Variants in APOB observed in about 807,000 individuals in gnomAD.
APOB encodes the protein apolipoprotein B.
In APOB, 153 loss-of-function variants were observed where a neutral mutation model predicts 314.1. That is an observed-to-expected ratio of 0.49 (90% confidence interval 0.43 to 0.56). APOB has a LOEUF of 0.56. APOB is among the 20% of genes least tolerant of loss of function. APOB has a pLI of 0.00. For missense variants in APOB, 5,430 were observed against 5,350.7 expected, an observed-to-expected ratio of 1.01 and a Z score of -0.46; for synonymous variants, 2,087 against 2,036.4, an observed-to-expected ratio of 1.02 and a Z score of -0.67.
In APOB at chr2:21,037,128, A is replaced by G. The variant is rs779042504; in HGVS notation, c.665T>C (p.Ile222Thr). 6.2e-7 allele frequency: 1 copy of G among 1,614,226 alleles called. No homozygotes were observed. The highest frequency in any genetic ancestry group is 2.2e-5 in the East Asian group (1 of 44,880). Residue 222 changes from isoleucine to threonine, a missense_variant, in exon 6 of 29, where the codon ATC becomes ACC. Transcript: ENST00000233242. ...CDRFKPIRTGISPLALIKGMT... is the reference protein window; with the variant it reads ...CDRFKPIRTGTSPLALIKGMT... ...GCCTTTGATGAGAGCAAGTGGGCTG[A>G]TGCCTGTGCGGATGGGCTTGAAGCG...
chr2:21,029,547 C>T, intron 12 of APOB, 92 bp downstream of exon 12: 3 of 1,389,406 alleles, frequency 2.2e-6, no homozygotes, highest in Non-Finnish European at 3.1e-6. Flanking sequence ...AGAATAAAGT[C>T]AGTAGATGAA....
chr2:21,011,832 C>T lies in APOB; in HGVS notation c.5036G>A (p.Gly1679Glu). The change falls in exon 26 of 29, where the codon GGG (glycine) becomes GAG (glutamate). Residue 1679 changes from glycine (G) to glutamate (E), a missense_variant. By Grantham distance (98) the Gly-to-Glu change is moderately conservative. Transcript: ENST00000233242. ...ATTTGTTGTTAATTTCATAGATGCC[C>T]CAGAGAGGCCAAGCTCTGCATTCAG... ...NELNAELGLS[G>E]ASMKLTTNGR... 2 of 1,614,072 alleles carry T rather than the reference C, an allele frequency of 1.2e-6. No homozygotes were observed. The highest frequency in any genetic ancestry group is 1.1e-5 in the South Asian group (1 of 91,080).
At chr2:21,022,656 A>G (rs1402663544) in intron 18 of APOB, among the ~76,000 whole-genome samples, 175 bp downstream of exon 18, 1 of 152,236 alleles carries the variant, frequency 6.6e-6, no homozygotes, top group Non-Finnish European at 1.5e-5. Flanking sequence ...GTAGTTATGT[A>G]GTAAGTCTAG....
At position 21,005,576 on chromosome 2, in the gene APOB, G is replaced by A; in HGVS notation, c.11292C>T (p.Asp3764=). 6.2e-7 allele frequency: 1 copy of A among 1,614,086 alleles called. No homozygotes were observed. Among genetic ancestry groups the A allele is most frequent in the South Asian group, 1.1e-5 (1 of 91,080 alleles). Residue 3764 remains aspartate, a synonymous_variant, in exon 26 of 29, where the codon GAC becomes GAT. Transcript: ENST00000233242. The stretch of plus-strand genomic sequence containing the variant: ...TCTTATAGATTTGTATTTCTCTGAA[G>A]TCAAGTTTGCACGATGGAACCTGAA... ...TDLQVPSCKL[D]FREIQIYKKL...
At chr2:21,026,005 T>A (rs1663723508) in intron 15 of APOB, among the ~76,000 whole-genome samples, 1 of 152,188 alleles carries the variant, frequency 6.6e-6, no homozygotes, top group South Asian at 2.1e-4. Context: ...TTAATAATAA[T>A]GAAAATATTA....
intron 21 of APOB, 95 bp downstream of exon 21, chr2:21,016,344 G>A (rs1663462981): frequency 2.7e-6 from 2 of 742,922 alleles, no homozygotes; most frequent in South Asian, 1.5e-5. Context: ...GACTAGGGGA[G>A]AACATGGCTT....
chr2:21,008,538 A>G lies in APOB; in HGVS notation c.8330T>C (p.Ile2777Thr). The change falls in exon 26 of 29, where the codon ATA (isoleucine) becomes ACA (threonine). Residue 2777 changes from isoleucine to threonine, a missense_variant. Transcript: ENST00000233242. Reference protein sequence around the residue: ...PLFTLDANADIGNGTTSANEA... With the variant: ...PLFTLDANADTGNGTTSANEA... ...GTTTGCTGAGGTGGTTCCATTCCCTATGTCAGCATTTGCATCTAATGTGAA... is the reference window on the plus strand; with the variant it reads ...GTTTGCTGAGGTGGTTCCATTCCCTGTGTCAGCATTTGCATCTAATGTGAA... 6.2e-7 allele frequency: 1 copy of G among 1,614,076 alleles called. No homozygotes were observed.
chr2:21,023,596 G>T lies in APOB; in HGVS notation c.2533C>A (p.Gln845Lys), dbSNP rs1377385970. The stretch of plus-strand genomic sequence containing the variant: ...ACTCCAGATGAAGATATTTGCAACT[G>T]TAATCCAGCTCCAGTGGGGAGTTCA... ...AFELPTGAGL[Q>K]LQISSSGVIA... is the part of the protein sequence containing the mutation. Residue 845 changes from glutamine to lysine, a missense_variant, in exon 17 of 29, where the codon CAG becomes AAG. Transcript: ENST00000233242. 5 of 1,614,208 alleles carry T rather than the reference G, an allele frequency of 3.1e-6. No homozygotes were observed. Among genetic ancestry groups the T allele is most frequent in the Non-Finnish European group, 4.2e-6 (5 of 1,180,044 alleles).
chr2:21,020,574 A>G (rs889987409), intron 18 of APOB, among the ~76,000 whole-genome samples: 3 of 152,182 alleles, frequency 2.0e-5, no homozygotes, highest in African/African-American at 7.2e-5. Context: ...AGAGTTGCGC[A>G]CTCATGACCA....
At chr2:21,027,306 A>AT (rs71391771) in intron 14 of APOB, among the ~76,000 whole-genome samples, 3,166 of 105,748 alleles carry the variant, frequency 0.03, 179 homozygotes, top group African/African-American at 0.091. Context: ...TTGCATTTCA[A>AT]TTTTTTTTTT....
Position 21,034,834 on chromosome 2 carries a change from T to C in APOB, c.886A>G (p.Ser296Gly). 6.3e-7 allele frequency: 1 copy of C among 1,596,578 alleles called. No individual in the cohort carries two copies. Among genetic ancestry groups the C allele is most frequent in the Non-Finnish European group, 8.6e-7 (1 of 1,163,954 alleles). The change falls in exon 8 of 29, where the codon AGC becomes GGC. Residue 296 changes from serine (S) to glycine (G), a missense_variant. Physicochemically the swap from Ser to Gly is moderately conservative, Grantham distance 56. Coordinates refer to ENST00000233242, the MANE Select transcript of APOB (RefSeq NM_000384.3). Reference protein sequence around the residue: ...LKLEDTPKINSRFFGEGTKKM... With the variant: ...LKLEDTPKINGRFFGEGTKKM... Reference sequence around the variant, plus strand: ...CTCTTACCTTCACCAAAGAAGCGGCTGTTGATCTTTGGTGTGTCTTCAAGT... The same window carrying C: ...CTCTTACCTTCACCAAAGAAGCGGCCGTTGATCTTTGGTGTGTCTTCAAGT...
Position 21,010,607 on chromosome 2 carries a change from G to T in APOB, c.6261C>A (p.Thr2087=), listed in dbSNP as rs61744855. 7.1e-4 allele frequency: 1,144 copies of T among 1,614,042 alleles called. 6 individuals are homozygous for T. In the African/African-American group the frequency reaches 0.014, roughly 20 times the overall value. ...GTACGTTTTCCAGTACAACTATAAT[G>T]GTTTGTCGATTCCTCTCAAAATATT... The part of the protein sequence containing the change: ...LQEYFERNRQ[T]IIVVLENVQR... The change falls in exon 26 of 29, where the codon ACC becomes ACA. Residue 2087 remains threonine (T), a synonymous_variant. Transcript: ENST00000233242.
intron 8 of APOB, among the ~76,000 whole-genome samples, chr2:21,033,785 T>C (rs1442109525): frequency 2.6e-5 from 4 of 152,126 alleles, no homozygotes; most frequent in East Asian, 1.9e-4. Context: ...TTTTGGGCCA[T>C]GTAAATTGCT....
At position 21,019,038 on chromosome 2, in the gene APOB, C is replaced by T. The variant is rs1486282319; in HGVS notation, c.3075G>A (p.Glu1025=). The T allele has an allele frequency of 6.2e-7, 1 of 1,613,922 alleles. No individual in the cohort carries two copies. Among genetic ancestry groups the T allele is most frequent in the East Asian group, 2.2e-5 (1 of 44,866 alleles). The part of the protein sequence containing the change: ...SVSATYELQR[E]DRALVDTLKF... ...TCAGGGTATCCACCAAGGCTCTGTC[C>T]TCTCTCTGGAGCTCATAGGTTGCGC... The change falls in exon 20 of 29, where the codon GAG becomes GAA. Residue 1025 remains glutamate (E), a synonymous_variant. Coordinates refer to ENST00000233242, the MANE Select transcript of APOB (RefSeq NM_000384.3).
chr2:21,025,146 G>A (rs1345176350), intron 15 of APOB, 22 bp from the exon 16 acceptor site: 30 of 1,609,540 alleles, frequency 1.9e-5, no homozygotes, highest in Non-Finnish European at 2.5e-5. Context: ...GTAATAAAAT[G>A]GCCAGTGAGA....
In APOB at chr2:21,029,492, G is replaced by A. The variant is rs555916426; in HGVS notation, c.1617+147C>T. The A allele has an allele frequency of 4.6e-6, 4 of 861,826 alleles. No individual in the cohort carries two copies. The African/African-American group carries it at 7.0e-5, about 15-fold the overall frequency. The allele number at this position is 861,826 out of a possible 1,614,324, so 53.4% of individuals were successfully genotyped here. ...GGAAGGAAAGAAGAAAGGGAGGGAG[G>A]GAGGAAGGAAGGAAGGAAGGAAGGA... On this transcript the variant is annotated intron_variant, in intron 12 of 28. Transcript: ENST00000233242.
At chr2:21,021,402 T>C (rs1345615160) in intron 18 of APOB, among the ~76,000 whole-genome samples, 1 of 152,196 alleles carries the variant, frequency 6.6e-6, no homozygotes, top group Admixed American at 6.5e-5. Context: ...TCCAATGGTC[T>C]CTTCGTGTCC....
intron 10 of APOB, 144 bp from the exon 11 acceptor site, chr2:21,030,159 A>T: frequency 1.5e-6 from 1 of 661,246 alleles, no homozygotes; most frequent in Non-Finnish European, 2.7e-6. Flanking sequence ...TTTTAAGCAA[A>T]AAGAACATAG....
In APOB at chr2:21,012,784, T is replaced by G. The variant is rs1364227619; in HGVS notation, c.4217-133A>C. 3.1e-6 allele frequency: 3 copies of G among 977,798 alleles called. No individual in the cohort carries two copies. In the South Asian group the frequency reaches 4.8e-5, roughly 16 times the overall value. 60.6% of individuals were successfully genotyped at this position (977,798 alleles called of 1,614,324 possible). A position where few individuals can be genotyped will look rare whatever the true frequency, so the allele number is the denominator to read the frequency against. Reference sequence around the variant, plus strand: ...GTGCAATAGACTCCTCCATCTGTAATGCAAAGATAAAATCTGATAGCAAAA... The same window carrying G: ...GTGCAATAGACTCCTCCATCTGTAAGGCAAAGATAAAATCTGATAGCAAAA... On this transcript the variant is annotated intron_variant, in intron 25 of 28. Transcript: ENST00000233242.
Sources: allele counts gnomAD v4.1 joint callset (sites outside exome capture counted in the v4.1 genomes callset), GRCh38; gene constraint gnomAD v4.1.1; transcripts MANE v1.5; gene names NCBI Gene and HGNC (gene_info 2026-07-23, HGNC 2026-07-21).